Variants in OXR1 observed in about 807,000 individuals in gnomAD.
OXR1 encodes oxidation resistance 1.
A neutral mutation model predicts 104.6 loss-of-function variants in OXR1; 41 were observed. The observed-to-expected ratio is 0.39, with a 90% CI of 0.31 to 0.51. The LOEUF (loss-of-function observed/expected upper bound fraction) is 0.51, where lower values mean the gene tolerates loss of function less well. OXR1 is among the 20% of genes least tolerant of loss of function. The pLI is 0.77. For synonymous variants in OXR1, 348 were observed against 348.4 expected (o/e 1.00, Z 0.01); for missense variants, 955 against 1,031.9 (o/e 0.93, Z 1.02).
intron 8 of OXR1, among the ~76,000 whole-genome samples, chr8:106,705,462 C>G (rs1831052337): frequency 6.6e-6 from 1 of 152,146 alleles, no homozygotes; most frequent in Admixed American, 6.5e-5. Flanking sequence ...CTTCACCATT[C>G]AGAGATAGCC....
intron 3 of OXR1, among the ~76,000 whole-genome samples, chr8:106,572,699 C>T (rs998482714): frequency 6.6e-5 from 10 of 152,242 alleles, no homozygotes; most frequent in African/African-American, 2.4e-4. Context: ...TATCCAATAA[C>T]GTTTTCTTCA....
At chr8:106,276,350 A>G (rs890316009) in intron 1 of OXR1, among the ~76,000 whole-genome samples, 2 of 152,172 alleles carry the variant, frequency 1.3e-5, no homozygotes, top group Non-Finnish European at 2.9e-5. Flanking sequence ...AGGTTTGACA[A>G]TCAACTGATG....
intron 1 of OXR1, among the ~76,000 whole-genome samples, chr8:106,303,589 AC>A (rs955997978): frequency 3.9e-5 from 6 of 152,114 alleles, no homozygotes; most frequent in Non-Finnish European, 8.8e-5. Flanking sequence ...AAGGAAACCT[AC>A]TAAATAGATT....
intron 2 of OXR1, among the ~76,000 whole-genome samples, chr8:106,490,571 G>T (rs1811015876): frequency 6.6e-6 from 1 of 152,118 alleles, no homozygotes; most frequent in African/African-American, 2.4e-5. Flanking sequence ...TCACCATATT[G>T]GCCAGACTGA....
chr8:106,677,115 G>A (rs1368599425), intron 3 of OXR1, among the ~76,000 whole-genome samples: 2 of 151,904 alleles, frequency 1.3e-5, no homozygotes, highest in Non-Finnish European at 2.9e-5. Context: ...AATCAATTAA[G>A]GAAGGGTATA....
At chr8:106,467,042 T>A (rs1441620205) in intron 2 of OXR1, among the ~76,000 whole-genome samples, 2 of 151,880 alleles carry the variant, frequency 1.3e-5, no homozygotes, top group African/African-American at 4.8e-5. Context: ...TTAAAGAAAG[T>A]TGCTGCTAGT....
rs979155053 is a variant in OXR1, at chr8:106,746,289, A to G, written c.2486+427A>G. ...ACCATTTGGAATGATATTTTAGACA[A>G]TAATGGAAATGGGGTTTTTGCTTGC... On this transcript the variant is annotated intron_variant, in intron 16 of 16. Transcript: ENST00000517566. Among the ~76,000 whole-genome samples, 3 of 4,180 alleles carry G rather than the reference A, an allele frequency of 7.2e-4. No homozygotes were observed. In the African/African-American group the frequency reaches 8.7e-3, roughly 12 times the overall value. 2.7% of individuals were successfully genotyped at this position (4,180 alleles called of 152,430 possible).
At chr8:106,509,004 T>C (rs1010914108) in intron 2 of OXR1, among the ~76,000 whole-genome samples, 1 of 152,216 alleles carries the variant, frequency 6.6e-6, no homozygotes, top group African/African-American at 2.4e-5. Context: ...TTGTTAAAAA[T>C]AGGTATCTTT....
chr8:106,490,175 T>C (rs1810982412), intron 2 of OXR1, among the ~76,000 whole-genome samples: 1 of 152,198 alleles, frequency 6.6e-6, no homozygotes, highest in African/African-American at 2.4e-5. Flanking sequence ...TTTGATGTAG[T>C]ATTTTATTTG....
intron 2 of OXR1, among the ~76,000 whole-genome samples, chr8:106,451,854 C>G (rs1397213875): frequency 6.6e-6 from 1 of 152,118 alleles, no homozygotes; most frequent in East Asian, 1.9e-4. Flanking sequence ...TTCCTGCTCT[C>G]CAGAATTTTA....
intron 11 of OXR1, among the ~76,000 whole-genome samples, chr8:106,736,172 C>T (rs183942697): frequency 1.6e-4 from 24 of 151,348 alleles, no homozygotes; most frequent in Non-Finnish European, 3.0e-4. Context: ...GACACCCCCC[C>T]CCATCCGCCC....
intron 3 of OXR1, among the ~76,000 whole-genome samples, chr8:106,630,966 G>A (rs1004163427): frequency 2.0e-5 from 3 of 152,040 alleles, no homozygotes; most frequent in Non-Finnish European, 2.9e-5. Context: ...GGGGTTGGTC[G>A]GAAAGAGATG....
chr8:106,489,898 G>T (rs558140014), intron 2 of OXR1, among the ~76,000 whole-genome samples: 1 of 152,196 alleles, frequency 6.6e-6, no homozygotes, highest in African/African-American at 2.4e-5. Flanking sequence ...TACATAAGGT[G>T]ATCATATAAT....
At chr8:106,611,146 C>A (rs2130799150) in intron 3 of OXR1, among the ~76,000 whole-genome samples, 1 of 152,290 alleles carries the variant, frequency 6.6e-6, no homozygotes, top group Non-Finnish European at 1.5e-5. Flanking sequence ...TCAGAGAACA[C>A]CCCTCTAAAG....
chr8:106,505,471 A>G (rs1193680089), intron 2 of OXR1, among the ~76,000 whole-genome samples: 1 of 152,218 alleles, frequency 6.6e-6, no homozygotes, highest in African/African-American at 2.4e-5. Context: ...GAGAGACAGA[A>G]CAAAGTGGAC....
intron 2 of OXR1, among the ~76,000 whole-genome samples, chr8:106,500,643 G>A (rs952371161): frequency 1.3e-4 from 20 of 152,188 alleles, no homozygotes; most frequent in African/African-American, 4.8e-4. Flanking sequence ...GGTTTTGTCT[G>A]TGGCTCATCC....
chr8:106,289,711 A>G (rs1386858145), intron 1 of OXR1, among the ~76,000 whole-genome samples: 2 of 152,188 alleles, frequency 1.3e-5, no homozygotes, highest in African/African-American at 2.4e-5. Flanking sequence ...ACAACACGGT[A>G]CTGGTACAAA....
chr8:106,317,948 A>G (rs1239074259), intron 1 of OXR1, among the ~76,000 whole-genome samples: 3 of 152,176 alleles, frequency 2.0e-5, no homozygotes, highest in Non-Finnish European at 1.5e-5. Context: ...AGGAAAGACT[A>G]ACAAAGAAAA....
chr8:106,424,037 C>T (rs750556842), intron 2 of OXR1, among the ~76,000 whole-genome samples: 1 of 151,992 alleles, frequency 6.6e-6, no homozygotes, highest in Non-Finnish European at 1.5e-5. Flanking sequence ...CCCGAGTTCA[C>T]GTGATTCTTC....
Sources: allele counts gnomAD v4.1 joint callset (sites outside exome capture counted in the v4.1 genomes callset), GRCh38; gene constraint gnomAD v4.1.1; transcripts MANE v1.5; gene names NCBI Gene and HGNC (gene_info 2026-07-23, HGNC 2026-07-21).